GPC6: variants seen among roughly 807,000 people sequenced by gnomAD.
GPC6 encodes glypican 6.
A neutral mutation model predicts 55.2 loss-of-function variants in GPC6; 14 were observed. The ratio of observed to expected loss-of-function variants is 0.25; its 90% CI spans 0.17 to 0.40. GPC6 has a LOEUF of 0.40. Among genes scored for constraint, GPC6 ranks in the 10% least tolerant of loss-of-function variants. The probability of loss-of-function intolerance (pLI) is 1.00; values close to 1 mark genes in which losing one functional copy is unlikely to be tolerated. For missense variants in GPC6, 641 were observed against 708.5 expected (o/e 0.90, Z 1.08); for synonymous variants, 278 against 259.6 (o/e 1.07, Z -0.68).
intron 2 of GPC6, among the ~76,000 whole-genome samples, chr13:93,565,391 A>G (rs79221127): frequency 7.7e-4 from 117 of 152,328 alleles, no homozygotes; most frequent in African/African-American, 2.6e-3. Flanking sequence ...ACATTTTAAC[A>G]ATAAACTTGT....
At chr13:93,992,134 A>G (rs1001834249) in intron 3 of GPC6, among the ~76,000 whole-genome samples, 3 of 151,568 alleles carry the variant, frequency 2.0e-5, no homozygotes, top group East Asian at 1.9e-4. Flanking sequence ...TTTTATGAAT[A>G]GATTCATATG....
In GPC6 at chr13:93,889,298, T is replaced by C. The variant is rs544325906; in HGVS notation, c.711+58753T>C. Among the ~76,000 whole-genome samples the C allele has an allele frequency of 5.9e-5, 9 of 152,108 alleles. No individual in the cohort carries two copies. In the East Asian group the frequency reaches 9.6e-4, roughly 16 times the overall value. On this transcript the variant is annotated intron_variant, in intron 3 of 8. Transcript: ENST00000377047. ...TAATCAGGAGGCCTGGAGGTATATA[T>C]AGTTTTTTTCCCCAAACGATTTTAA...
chr13:94,121,674 A>G (rs1395444029), intron 4 of GPC6, among the ~76,000 whole-genome samples: 1 of 152,176 alleles, frequency 6.6e-6, no homozygotes, highest in Non-Finnish European at 1.5e-5. Context: ...GAACCCAAAT[A>G]AAACATAGAC....
chr13:94,146,380 A>T (rs537048070), intron 4 of GPC6, among the ~76,000 whole-genome samples: 1 of 152,302 alleles, frequency 6.6e-6, no homozygotes, highest in Admixed American at 6.5e-5. Flanking sequence ...CAGTCTCACC[A>T]ATCAAGTATT....
At chr13:94,179,860 G>C (rs1227801151) in intron 4 of GPC6, among the ~76,000 whole-genome samples, 1 of 152,124 alleles carries the variant, frequency 6.6e-6, no homozygotes, top group Non-Finnish European at 1.5e-5. Context: ...CAGGAAAATG[G>C]AAAATGTGAG....
chr13:94,003,460 G>A (rs137940008), intron 3 of GPC6, among the ~76,000 whole-genome samples: 3 of 152,106 alleles, frequency 2.0e-5, no homozygotes. Context: ...ATTAAAGGGA[G>A]GATTGAGAGA....
intron 3 of GPC6, among the ~76,000 whole-genome samples, chr13:93,869,268 A>G (rs942087803): frequency 1.3e-5 from 2 of 151,796 alleles, no homozygotes; most frequent in Non-Finnish European, 2.9e-5. Flanking sequence ...AACATTGATG[A>G]CCTTTGAGAA....
At chr13:94,198,811 T>C (rs1377664792) in intron 4 of GPC6, among the ~76,000 whole-genome samples, 2 of 152,228 alleles carry the variant, frequency 1.3e-5, no homozygotes, top group Admixed American at 1.3e-4. Flanking sequence ...CACAGTGATA[T>C]TGTTGCTGTT....
intron 4 of GPC6, among the ~76,000 whole-genome samples, chr13:94,109,622 T>A (rs531164688): frequency 2.6e-5 from 4 of 152,078 alleles, no homozygotes; most frequent in African/African-American, 9.7e-5. Context: ...GGAAACAGGG[T>A]CTGCTATTCA....
intron 1 of GPC6, among the ~76,000 whole-genome samples, chr13:93,424,766 TTTTA>T (rs1342908245): frequency 6.6e-6 from 1 of 152,218 alleles, no homozygotes; most frequent in Non-Finnish European, 1.5e-5. Context: ...CATTGAATTA[TTTTA>T]TTCCAGTTTA....
At chr13:93,808,597 C>T (rs1054680755) in intron 2 of GPC6, among the ~76,000 whole-genome samples, 1 of 152,146 alleles carries the variant, frequency 6.6e-6, no homozygotes, top group Admixed American at 6.5e-5. Flanking sequence ...CAAATGCCAG[C>T]CACTGTGACA....
chr13:93,914,922 C>T (rs898501322), intron 3 of GPC6, among the ~76,000 whole-genome samples: 1 of 152,198 alleles, frequency 6.6e-6, no homozygotes, highest in Admixed American at 6.5e-5. Context: ...CGCTTTTTCA[C>T]CACAAAGAAC....
At chr13:94,272,721 G>A (rs577068265) in intron 4 of GPC6, among the ~76,000 whole-genome samples, 3 of 152,004 alleles carry the variant, frequency 2.0e-5, no homozygotes, top group East Asian at 1.9e-4. Flanking sequence ...GCCCACCTTG[G>A]CCTCCCAAAG....
At chr13:93,406,358 T>A (rs1876290026) in intron 1 of GPC6, among the ~76,000 whole-genome samples, 1 of 152,132 alleles carries the variant, frequency 6.6e-6, no homozygotes, top group Admixed American at 6.6e-5. Flanking sequence ...GTTTCTGCCA[T>A]CTGGACTCTG....
chr13:93,523,686 A>G (rs1188424269), intron 1 of GPC6, among the ~76,000 whole-genome samples: 1 of 152,026 alleles, frequency 6.6e-6, no homozygotes, highest in Non-Finnish European at 1.5e-5. Flanking sequence ...GTATGTCTCC[A>G]TGATCCCCCA....
chr13:93,418,603 A>G (rs554612313), intron 1 of GPC6, among the ~76,000 whole-genome samples: 1 of 151,350 alleles, frequency 6.6e-6, no homozygotes, highest in African/African-American at 2.4e-5. Flanking sequence ...TAATAGCACT[A>G]TACCGTAGTA....
At chr13:93,484,410 A>G (rs1196364400) in intron 1 of GPC6, among the ~76,000 whole-genome samples, 2 of 152,162 alleles carry the variant, frequency 1.3e-5, no homozygotes, top group African/African-American at 2.4e-5. Context: ...ACAGAAATCA[A>G]TTTGACAAAA....
intron 2 of GPC6, among the ~76,000 whole-genome samples, chr13:93,735,191 A>G (rs1481831236): frequency 2.6e-5 from 4 of 152,146 alleles, no homozygotes; most frequent in Admixed American, 2.0e-4. Flanking sequence ...TCAATTAACT[A>G]TTTCGTGCAT....
At chr13:93,455,736 T>C (rs1878425987) in intron 1 of GPC6, among the ~76,000 whole-genome samples, 1 of 152,148 alleles carries the variant, frequency 6.6e-6, no homozygotes, top group South Asian at 2.1e-4. Context: ...GTTGCTGGCC[T>C]AACAGGCATG....
Sources: allele counts gnomAD v4.1 joint callset (sites outside exome capture counted in the v4.1 genomes callset), GRCh38; gene constraint gnomAD v4.1.1; transcripts MANE v1.5; gene names NCBI Gene and HGNC (gene_info 2026-07-23, HGNC 2026-07-21).